Variants in TSHZ2 observed in about 807,000 individuals in gnomAD.
The protein encoded by TSHZ2 is teashirt homolog 2.
TSHZ2 carries 21 observed loss-of-function variants against 74.4 expected under a neutral mutation model. The observed-to-expected ratio is 0.28, with a 90% CI of 0.20 to 0.41. The LOEUF (loss-of-function observed/expected upper bound fraction) is 0.41. Among genes scored for constraint, TSHZ2 ranks in the 10% least tolerant of loss-of-function variants. The pLI is 1.00. For synonymous variants in TSHZ2, 540 were observed against 515.3 expected, an observed-to-expected ratio of 1.05 and a Z score of -0.65; for missense variants, 1,244 against 1,293.5, an observed-to-expected ratio of 0.96 and a Z score of 0.59.
intron 2 of TSHZ2, among the ~76,000 whole-genome samples, chr20:53,435,000 G>C (rs1450096633): frequency 6.6e-6 from 1 of 152,138 alleles, no homozygotes; most frequent in Non-Finnish European, 1.5e-5. Flanking sequence ...ATTTCTGAAT[G>C]CCCATGAATA....
chr20:53,464,257 C>A (rs1472387766), intron 2 of TSHZ2, among the ~76,000 whole-genome samples: 1 of 152,142 alleles, frequency 6.6e-6, no homozygotes, highest in Non-Finnish European at 1.5e-5. Flanking sequence ...TCGTCCAGAC[C>A]AATATATTAT....
chr20:53,492,525 T>G lies in TSHZ2; in HGVS notation c.*5390T>G, dbSNP rs1285577065. 1 of 152,200 alleles carries G rather than the reference T, an allele frequency of 6.6e-6. No homozygotes were observed. The highest frequency in any genetic ancestry group is 2.4e-5 in the African/African-American group (1 of 41,454). The allele number at this position is 152,200 out of a possible 1,614,324, so 9.4% of individuals were successfully genotyped here. A position where few individuals can be genotyped will look rare whatever the true frequency, so the allele number is the denominator to read the frequency against. Reference sequence around the variant, plus strand: ...TTCCTAAATGTCACAATATCTTGGGTAAAATATACTTTTTGATTTCCTGAT... The same window carrying G: ...TTCCTAAATGTCACAATATCTTGGGGAAAATATACTTTTTGATTTCCTGAT... On this transcript the variant is annotated 3_prime_UTR_variant, in exon 3 of 3. Coordinates refer to ENST00000371497, the MANE Select transcript of TSHZ2 (RefSeq NM_173485.6).
intron 2 of TSHZ2, chr20:53,399,034 A>G (rs1187918851): frequency 6.6e-6 from 1 of 152,228 alleles, no homozygotes; most frequent in Non-Finnish European, 1.5e-5. Context: ...GCAGGCCATT[A>G]TAGCTTGAGT....
chr20:53,149,182 T>G (rs889180820), intron 1 of TSHZ2, among the ~76,000 whole-genome samples: 1 of 151,744 alleles, frequency 6.6e-6, no homozygotes, highest in African/African-American at 2.4e-5. Context: ...TTTTAGGGTT[T>G]TTTTTTTTTT....
At chr20:53,098,914 T>C (rs1457864165) in intron 1 of TSHZ2, among the ~76,000 whole-genome samples, 1 of 152,262 alleles carries the variant, frequency 6.6e-6, no homozygotes, top group Non-Finnish European at 1.5e-5. Flanking sequence ...TGGTTTTCTG[T>C]ATCCTTCTGT....
intron 1 of TSHZ2, among the ~76,000 whole-genome samples, chr20:53,110,838 C>T (rs970955631): frequency 2.0e-5 from 3 of 151,866 alleles, no homozygotes; most frequent in African/African-American, 7.3e-5. Context: ...GAGGCAGAGA[C>T]TTGGGGAACT....
At chr20:53,089,999 A>G (rs1038237763) in intron 1 of TSHZ2, among the ~76,000 whole-genome samples, 1 of 152,258 alleles carries the variant, frequency 6.6e-6, no homozygotes, top group Non-Finnish European at 1.5e-5. Context: ...CCAAATCCCT[A>G]AACCTCAAAA....
intron 2 of TSHZ2, among the ~76,000 whole-genome samples, chr20:53,258,629 G>A (rs1413058845): frequency 2.6e-5 from 4 of 152,170 alleles, no homozygotes; most frequent in African/African-American, 7.2e-5. Flanking sequence ...TATGATACCT[G>A]TTCTAGGGAT....
intron 1 of TSHZ2, among the ~76,000 whole-genome samples, chr20:53,059,076 T>C (rs568634890): frequency 2.6e-5 from 4 of 152,194 alleles, no homozygotes; most frequent in African/African-American, 4.8e-5. Context: ...TTTTTCCCTG[T>C]CTGTAAATGT....
At chr20:53,474,508 C>A (rs1296198011) in intron 2 of TSHZ2, among the ~76,000 whole-genome samples, 1 of 107,784 alleles carries the variant, frequency 9.3e-6, no homozygotes, top group African/African-American at 4.0e-5. Flanking sequence ...CTGAAGGAAG[C>A]GCTAAACATG....
chr20:53,288,565 G>C (rs16997875), intron 2 of TSHZ2, among the ~76,000 whole-genome samples: 8,576 of 152,200 alleles, frequency 0.056, 798 homozygotes, highest in African/African-American at 0.2. Context: ...CAGTGATTGG[G>C]AGGACCGCTC....
rs763045612 is a variant in TSHZ2, at chr20:53,387,768, C to T, written c.*9-99376C>T. The stretch of plus-strand genomic sequence containing the variant: ...AATGATAACTTAAAAGATAACTAGG[C>T]GGGCATGGTGGTTCACGCCTGTAAT... On this transcript the variant is annotated intron_variant, in intron 2 of 2. Transcript: ENST00000371497. 4.6e-5 allele frequency among the ~76,000 whole-genome samples: 7 copies of T among 152,122 alleles called. No homozygotes were observed. The East Asian group carries it at 7.7e-4, about 17-fold the overall frequency.
At chr20:53,423,910 G>A (rs1469770948) in intron 2 of TSHZ2, among the ~76,000 whole-genome samples, 1 of 152,190 alleles carries the variant, frequency 6.6e-6, no homozygotes, top group African/African-American at 2.4e-5. Flanking sequence ...CCAGGGGGTG[G>A]TGCTGTTAGC....
chr20:53,247,951 G>T (rs1174315139), intron 1 of TSHZ2, among the ~76,000 whole-genome samples: 1 of 152,188 alleles, frequency 6.6e-6, no homozygotes, highest in African/African-American at 2.4e-5. Context: ...CCTAGCAAAA[G>T]TCTGATATGT....
chr20:53,133,376 A>G (rs578128076), intron 1 of TSHZ2, among the ~76,000 whole-genome samples: 1 of 152,344 alleles, frequency 6.6e-6, no homozygotes, highest in African/African-American at 2.4e-5. Context: ...TAAAGCACCC[A>G]GTTCGAGCCA....
intron 1 of TSHZ2, among the ~76,000 whole-genome samples, chr20:53,165,871 A>C (rs1461247355): frequency 6.6e-6 from 1 of 152,206 alleles, no homozygotes; most frequent in Admixed American, 6.5e-5. Context: ...CGGTGACTGC[A>C]AACCCTTGCA....
At chr20:53,239,132 C>T (rs770419652) in intron 1 of TSHZ2, among the ~76,000 whole-genome samples, 17 of 152,170 alleles carry the variant, frequency 1.1e-4, no homozygotes, top group Non-Finnish European at 1.0e-4. Flanking sequence ...TAGCAGCATC[C>T]TGGGTCTCTA....
intron 1 of TSHZ2, among the ~76,000 whole-genome samples, chr20:53,147,943 T>G (rs1987582853): frequency 6.6e-6 from 1 of 152,166 alleles, no homozygotes; most frequent in Non-Finnish European, 1.5e-5. Context: ...TTTGAATTCC[T>G]GACCTTGCGA....
intron 1 of TSHZ2, among the ~76,000 whole-genome samples, chr20:53,134,838 C>T (rs1295387664): frequency 6.6e-6 from 1 of 152,048 alleles, no homozygotes; most frequent in African/African-American, 2.4e-5. Context: ...CTACACTCTG[C>T]TATCCCACCC....
Sources: gnomAD v4.1 joint callset for allele counts (sites outside exome capture counted in the v4.1 genomes callset) on GRCh38, gnomAD v4.1.1 for gene constraint, MANE v1.5 for transcripts, NCBI Gene and HGNC (gene_info 2026-07-23, HGNC 2026-07-21) for gene names.